ATAD5: variants seen among roughly 807,000 people sequenced by gnomAD.
ATAD5 encodes the protein ATPase family AAA domain-containing protein 5.
ATAD5 carries 58 observed loss-of-function variants against 176.9 expected under a neutral mutation model. That is an observed-to-expected ratio of 0.33 (90% CI 0.27 to 0.41). ATAD5 has a LOEUF of 0.41. Ranked by LOEUF, ATAD5 falls within the 10% of genes least tolerant of loss-of-function variation. ATAD5 has a pLI of 1.00. For missense variants in ATAD5, 1,789 were observed against 2,094.1 expected (o/e 0.85, Z 2.84); for synonymous variants, 640 against 712.6 (o/e 0.90, Z 1.62).
intron 19 of ATAD5, among the ~76,000 whole-genome samples, chr17:30,889,886 C>CTTTTTTTTTTTTTTTTTTTT (rs60266614): frequency 4.7e-4 from 45 of 95,698 alleles, no homozygotes; most frequent in Non-Finnish European, 5.0e-4. Context: ...TCTTTTCTTT[C>CTTTTTTTTTTTTTTTTTTTT]TTTTTTTTTT....
chr17:30,860,814 A>G (rs928045990), intron 10 of ATAD5, among the ~76,000 whole-genome samples: 5 of 152,040 alleles, frequency 3.3e-5, no homozygotes, highest in African/African-American at 1.2e-4. Flanking sequence ...ATCTTCGCTC[A>G]CTGCAACGTC....
At chr17:30,860,633 C>G in intron 10 of ATAD5, 21 bp downstream of exon 10, 2 of 1,523,306 alleles carry the variant, frequency 1.3e-6, no homozygotes, top group South Asian at 2.7e-5. Flanking sequence ...TAAAACATCC[C>G]AAAAGAAATA....
chr17:30,834,934 T>C lies in ATAD5; in HGVS notation c.853T>C (p.Ser285Pro), dbSNP rs1375831674. 6.2e-7 allele frequency: 1 copy of C among 1,610,962 alleles called. No individual in the cohort carries two copies. Among genetic ancestry groups the C allele is most frequent in the Non-Finnish European group, 8.5e-7 (1 of 1,178,828 alleles). ...KENKVEEIPD[S>P]TMSICVPSET... ...AAATAAAGTGGAAGAGATACCAGAC[T>C]CTACAATGTCAATTTGTGTTCCTTC... The change falls in exon 2 of 23, where the codon TCT becomes CCT. Residue 285 changes from serine (S) to proline (P), a missense_variant. This residue lies in a region of ATAD5 where 696 missense variants were observed against 712.5 expected (regional missense o/e 0.98). Transcript: ENST00000321990.
At chr17:30,858,401 C>A in intron 9 of ATAD5, 78 bp downstream of exon 9, 1 of 1,062,118 alleles carries the variant, frequency 9.4e-7, no homozygotes. Flanking sequence ...ATTTTTATTT[C>A]TGAGACGGAG....
chr17:30,845,326 A>T (rs1360390820), intron 6 of ATAD5, among the ~76,000 whole-genome samples: 1 of 152,192 alleles, frequency 6.6e-6, no homozygotes, highest in Non-Finnish European at 1.5e-5. Context: ...TCAACAAATG[A>T]AAAATTGCAG....
Position 30,875,301 on chromosome 17 carries a change from C to T in ATAD5, c.3608-1073C>T, listed in dbSNP as rs745379278. On this transcript the variant is annotated intron_variant, in intron 14 of 22. Transcript: ENST00000321990. Reference sequence around the variant, plus strand: ...AGGTGAACTATTTATTTTTTAACTTCGTATCTATCTTCCAAAGCATCTCTA... The same window carrying T: ...AGGTGAACTATTTATTTTTTAACTTTGTATCTATCTTCCAAAGCATCTCTA... Among the ~76,000 whole-genome samples, 15 of 152,148 alleles carry T rather than the reference C, an allele frequency of 9.9e-5. 1 individual carries two copies. Among genetic ancestry groups the T allele is most frequent in the Admixed American group, 2.6e-4 (4 of 15,272 alleles).
At chr17:30,856,259 T>C (rs1907287742) in intron 7 of ATAD5, among the ~76,000 whole-genome samples, 2 of 152,180 alleles carry the variant, frequency 1.3e-5, no homozygotes. Context: ...TTAATCCTGA[T>C]AACAACTCTA....
At chr17:30,881,981 C>T (rs918902693) in intron 18 of ATAD5, among the ~76,000 whole-genome samples, 7 of 145,226 alleles carry the variant, frequency 4.8e-5, no homozygotes, top group Non-Finnish European at 9.1e-5. Flanking sequence ...TTGTCTAGGC[C>T]GGGCGCAGTG....
At chr17:30,850,869 A>AT (rs58433358) in intron 6 of ATAD5, among the ~76,000 whole-genome samples, 12 of 14,778 alleles carry the variant, frequency 8.1e-4, no homozygotes, top group East Asian at 7.7e-3. Context: ...ATATATATAT[A>AT]TTTTTTTTTT....
Position 30,884,213 on chromosome 17 carries a change from C to T in ATAD5, c.4078-2979C>T, listed in dbSNP as rs369951694. ...CTCCCTCTGTTGCCAGGCTGGAGTG[C>T]AGTGGCACGATCTTAGTCATGCAAC... On this transcript the variant is annotated intron_variant, in intron 18 of 22. Transcript: ENST00000321990. 7.9e-5 allele frequency among the ~76,000 whole-genome samples: 12 copies of T among 150,964 alleles called. No individual in the cohort carries two copies. In the East Asian group the frequency reaches 9.7e-4, roughly 12 times the overall value.
At chr17:30,865,072 A>C (rs1349202101) in intron 10 of ATAD5, 1 of 150,770 alleles carries the variant, frequency 6.6e-6, no homozygotes, top group South Asian at 2.1e-4. Flanking sequence ...TCTTTTTGGT[A>C]GAACAGTTTA....
chr17:30,849,545 C>A (rs917604288), intron 6 of ATAD5, among the ~76,000 whole-genome samples: 2 of 152,124 alleles, frequency 1.3e-5, no homozygotes, highest in African/African-American at 4.8e-5. Flanking sequence ...TCATTTTTCT[C>A]ATGTCTACTG....
At chr17:30,850,443 C>G (rs1906807945) in intron 6 of ATAD5, among the ~76,000 whole-genome samples, 1 of 151,354 alleles carries the variant, frequency 6.6e-6, no homozygotes, top group East Asian at 2.0e-4. Context: ...TCACTGCAGC[C>G]TCAACCTCCT....
In ATAD5 at chr17:30,893,681, G is replaced by A. The variant is rs76582681; in HGVS notation, c.4828G>A (p.Glu1610Lys). 6.2e-7 allele frequency: 1 copy of A among 1,613,278 alleles called. No individual in the cohort carries two copies. Among genetic ancestry groups the A allele is most frequent in the African/African-American group, 1.3e-5 (1 of 74,926 alleles). Residue 1610 changes from glutamate (E) to lysine (K), a missense_variant, in exon 21 of 23, where the codon GAA becomes AAA. Around this residue, in one of 6 missense-constraint regions of ATAD5, gnomAD observed 403 missense variants for 495.1 expected, o/e 0.81. Transcript: ENST00000321990. ...AGAAGAAAGCAAAACCGGAGACGAA[G>A]AAAGCAAAGCCAGAGACAAAGGAAA... ...NAEESKTGDE[E>K]SKARDKGNNP...
Position 30,834,979 on chromosome 17 carries a change from G to A in ATAD5, c.898G>A (p.Val300Ile). 1 of 1,614,058 alleles carries A rather than the reference G, an allele frequency of 6.2e-7. No homozygotes were observed. The highest frequency in any genetic ancestry group is 1.1e-5 in the South Asian group (1 of 91,060). ...CVPSETVDEI[V>I]KSGYISESEN... ...TCCTTCTGAAACTGTCGACGAAATA[G>A]TCAAAAGTGGTTATATAAGTGAATC... The change falls in exon 2 of 23, where the codon GTC becomes ATC. Residue 300 changes from valine (V) to isoleucine (I), a missense_variant. By Grantham distance (29) the Val-to-Ile change is conservative. Transcript: ENST00000321990.
chr17:30,835,034 G>A lies in ATAD5; in HGVS notation c.953G>A (p.Arg318His), dbSNP rs766001958. 118 of 1,613,910 alleles carry A rather than the reference G, an allele frequency of 7.3e-5. No individual in the cohort carries two copies. Among genetic ancestry groups the A allele is most frequent in the Non-Finnish European group, 9.4e-5 (111 of 1,179,960 alleles). The stretch of plus-strand genomic sequence containing the variant: ...AACTCCGAAATTTCCCAGCAGGTAC[G>A]CTTTAAGACAGTTACTGTTCTTGCA... ...SENSEISQQV[R>H]FKTVTVLAQV... The change falls in exon 2 of 23, where the codon CGC becomes CAC. Residue 318 changes from arginine to histidine, a missense_variant. By Grantham distance (29) the Arg-to-His change is conservative. Transcript: ENST00000321990.
In ATAD5 at chr17:30,843,149, C is replaced by T. The variant is rs546417229; in HGVS notation, c.2242-764C>T. 7.2e-4 allele frequency among the ~76,000 whole-genome samples: 109 copies of T among 151,650 alleles called. No homozygotes were observed. In the South Asian group the frequency reaches 0.022, roughly 30 times the overall value. On this transcript the variant is annotated intron_variant, in intron 4 of 22. Transcript: ENST00000321990. Reference sequence around the variant, plus strand: ...GGAGGATTGCCTGAGCCCAGGAGTTCGAGACCAGCCTGGTCAACATAGGGA... The same window carrying T: ...GGAGGATTGCCTGAGCCCAGGAGTTTGAGACCAGCCTGGTCAACATAGGGA...
rs751030790 is a variant in ATAD5, at chr17:30,832,419, G to A, written c.66+6G>A. 7.1e-6 allele frequency: 11 copies of A among 1,559,062 alleles called. No individual in the cohort carries two copies. Among genetic ancestry groups the A allele is most frequent in the Non-Finnish European group, 9.6e-6 (11 of 1,151,746 alleles). ...TGAAGGACTGCGAGATTGAGGTGAG[G>A]TTGAGTCGAGGATCTGTTGAGTTCC... is the stretch of plus-strand genomic sequence containing the variant. On this transcript the variant is annotated splice_donor_region_variant and intron_variant, in intron 1 of 22. Coordinates refer to ENST00000321990, the MANE Select transcript of ATAD5 (RefSeq NM_024857.5).
rs922740478 is a variant in ATAD5 at position 30,879,623 on chromosome 17, C to T, written c.4077+136C>T. The stretch of plus-strand genomic sequence containing the variant: ...TGTCGCCCAGGCTGGAGTGCAGTGG[C>T]GCGATCTTGGCTCACTGCAAGCTCC... On this transcript the variant is annotated intron_variant, in intron 18 of 22. Coordinates refer to ENST00000321990, the MANE Select transcript of ATAD5 (RefSeq NM_024857.5). 2.6e-4 allele frequency: 196 copies of T among 749,886 alleles called. No homozygotes were observed. Among genetic ancestry groups the T allele is most frequent in the African/African-American group, 2.5e-3 (130 of 51,934 alleles). The allele number at this position is 749,886 out of a possible 1,614,324, so 46.5% of individuals were successfully genotyped here. A position where few individuals can be genotyped will look rare whatever the true frequency, so the allele number is the denominator to read the frequency against.
Sources: allele counts gnomAD v4.1 joint callset (sites outside exome capture counted in the v4.1 genomes callset), GRCh38; gene constraint gnomAD v4.1.1; regional missense constraint gnomAD v4.1.1; transcripts MANE v1.5; gene names NCBI Gene and HGNC (gene_info 2026-07-23, HGNC 2026-07-21).